The following SRRM1 variants were observed in gnomAD, a reference collection of about 807,000 sequenced individuals.
SRRM1 encodes serine/arginine repetitive matrix protein 1.
SRRM1 carries 19 observed loss-of-function variants against 110.2 expected under a neutral mutation model. That is an observed-to-expected ratio of 0.17 (90% CI 0.12 to 0.25). The LOEUF (loss-of-function observed/expected upper bound fraction) is 0.25. Ranked by LOEUF, SRRM1 falls within the 10% of genes least tolerant of loss-of-function variation. SRRM1 has a pLI of 1.00. For missense variants in SRRM1, 918 were observed against 1,145.8 expected, an observed-to-expected ratio of 0.80 and a Z score of 2.87; for synonymous variants, 443 against 414.9, an observed-to-expected ratio of 1.07 and a Z score of -0.82.
Position 24,662,769 on chromosome 1 carries a change from A to G in SRRM1, c.1593A>G (p.Pro531=). The change falls in exon 12 of 17, where the codon CCA becomes CCG. Residue 531 remains proline, a synonymous_variant. Transcript: ENST00000323848. ...ATTCCCCTTCCCGGAGTGCTTCTCC[A>G]TCACCACGAAAGCGCCAAAAAGAGA... ...RRHSPSRSAS[P]SPRKRQKETS... 1.9e-6 allele frequency: 3 copies of G among 1,614,246 alleles called. No individual in the cohort carries two copies. Among genetic ancestry groups the G allele is most frequent in the Non-Finnish European group, 1.7e-6 (2 of 1,180,044 alleles).
chr1:24,670,201 A>C lies in SRRM1; in HGVS notation c.2286A>C (p.Lys762Asn). 1 of 1,614,038 alleles carries C rather than the reference A, an allele frequency of 6.2e-7. No individual in the cohort carries two copies. The highest frequency in any genetic ancestry group is 8.5e-7 in the Non-Finnish European group (1 of 1,179,992). The change falls in exon 15 of 17, where the codon AAA (lysine) becomes AAC (asparagine). Residue 762 changes from lysine (K) to asparagine (N), a missense_variant. By Grantham distance (94) the Lys-to-Asn change is moderately conservative. Transcript: ENST00000323848. The part of the protein sequence containing the change: ...SVSGSPEPAA[K>N]KPPAPPSPVQ... ...CCGGGTCTCCTGAGCCAGCAGCTAA[A>C]AAGCCCCCAGCACCTCCATCCCCCG...
intron 5 of SRRM1, among the ~76,000 whole-genome samples, chr1:24,650,816 T>C (rs912259638): frequency 1.3e-5 from 2 of 152,230 alleles, no homozygotes; most frequent in Non-Finnish European, 1.5e-5. Flanking sequence ...ACTACTTGAC[T>C]ATTGATGAAG....
intron 5 of SRRM1, 69 bp downstream of exon 5, chr1:24,650,155 A>G (rs1557662355): frequency 7.1e-7 from 1 of 1,408,968 alleles, no homozygotes; most frequent in Non-Finnish European, 9.4e-7. Flanking sequence ...TCCTTAGTTA[A>G]AAAGGAATCT....
At chr1:24,669,650 C>A in intron 14 of SRRM1, 63 bp downstream of exon 14, 1 of 1,220,316 alleles carries the variant, frequency 8.2e-7, no homozygotes, top group South Asian at 1.6e-5. Flanking sequence ...TTGGAAGCTT[C>A]CCCCCACCCC....
chr1:24,664,438 A>G (rs914890066), intron 12 of SRRM1, among the ~76,000 whole-genome samples: 1 of 152,252 alleles, frequency 6.6e-6, no homozygotes, highest in Admixed American at 6.5e-5. Context: ...TTAGGGCCGC[A>G]AAGTGACAAA....
In SRRM1 at chr1:24,646,028, G is replaced by A. The variant is rs763065465; in HGVS notation, c.66G>A (p.Lys22=). The A allele has an allele frequency of 6.2e-7, 1 of 1,613,614 alleles. No individual in the cohort carries two copies. Among genetic ancestry groups the A allele is most frequent in the Non-Finnish European group, 8.5e-7 (1 of 1,179,938 alleles). ...EQDNRFSNKQ[K]KLLKQLKFAE... ...ATAATCGGTTCAGCAACAAACAGAA[G>A]AAACTACTGAAGCAGCTGAAATTTG... The change falls in exon 2 of 17, where the codon AAG becomes AAA. Residue 22 remains lysine, a synonymous_variant. Transcript: ENST00000323848.
chr1:24,669,389 C>T lies in SRRM1; in HGVS notation c.2006C>T (p.Ser669Phe). 6.2e-7 allele frequency: 1 copy of T among 1,614,166 alleles called. No homozygotes were observed. Among genetic ancestry groups the T allele is most frequent in the Non-Finnish European group, 8.5e-7 (1 of 1,180,034 alleles). Residue 669 changes from serine to phenylalanine, a missense_variant, in exon 14 of 17, where the codon TCT becomes TTT. Coordinates refer to ENST00000323848, the MANE Select transcript of SRRM1 (RefSeq NM_005839.4). ...AGGAAAGGGTCTTCCCCAAGCCGCT[C>T]TACCCGGGAGGCCCGATCACCACAA... ...KHRKGSSPSR[S>F]TREARSPQPN... is the part of the protein sequence containing the mutation.
rs1671416707 is a variant in SRRM1 at position 24,668,986 on chromosome 1, A to T, written c.1740-137A>T. ...TTTATTGATATTTAAGTGAGAATAT[A>T]AAGATAGCATGTTCACTTATAAATA... is the stretch of plus-strand genomic sequence containing the variant. On this transcript the variant is annotated intron_variant, in intron 13 of 16. Transcript: ENST00000323848. 5 of 671,812 alleles carry T rather than the reference A, an allele frequency of 7.4e-6. No homozygotes were observed. The East Asian group carries it at 1.4e-4, about 18-fold the overall frequency. 41.6% of individuals were successfully genotyped at this position (671,812 alleles called of 1,614,324 possible).
rs533617805 is a variant in SRRM1, at chr1:24,644,439, C to T, written c.21+1092C>T. On this transcript the variant is annotated intron_variant, in intron 1 of 16. Coordinates refer to ENST00000323848, the MANE Select transcript of SRRM1 (RefSeq NM_005839.4). ...TACACGTTAGCTCTTCTCTTTAGAG[C>T]ATGTAATTTGCAGTTTGTGTGTTTT... 1.2e-4 allele frequency among the ~76,000 whole-genome samples: 18 copies of T among 152,322 alleles called. No homozygotes were observed. In the South Asian group the frequency reaches 3.5e-3, roughly 30 times the overall value.
intron 1 of SRRM1, among the ~76,000 whole-genome samples, chr1:24,644,455 T>C (rs1227804856): frequency 6.6e-6 from 1 of 152,228 alleles, no homozygotes; most frequent in African/African-American, 2.4e-5. Context: ...ATTTGCAGTT[T>C]GTGTGTTTTC....
In SRRM1 at chr1:24,668,035, G is replaced by A. The variant is rs966118092; in HGVS notation, c.1740-1088G>A. Among the ~76,000 whole-genome samples the A allele has an allele frequency of 2.3e-4, 30 of 132,880 alleles. No individual in the cohort carries two copies. The Admixed American group carries it at 2.5e-3, about 11-fold the overall frequency. 87.2% of individuals were successfully genotyped at this position (132,880 alleles called of 152,430 possible). ...TCACCCAGGCTGGAGTGCAGTGGCC[G>A]ATCTCAGCTCACTGTAACCTCCGCC... On this transcript the variant is annotated intron_variant, in intron 13 of 16. Transcript: ENST00000323848.
In SRRM1 at chr1:24,671,368, GT is replaced by G. The variant is rs772079300; in HGVS notation, c.2401-9del. The G allele has an allele frequency of 9.1e-6, 14 of 1,545,320 alleles. No individual in the cohort carries two copies. Among genetic ancestry groups the G allele is most frequent in the Middle Eastern group, 1.7e-4 (1 of 5,772 alleles). On this transcript the variant is annotated splice_polypyrimidine_tract_variant and intron_variant, in intron 15 of 16. Coordinates refer to ENST00000323848, the MANE Select transcript of SRRM1 (RefSeq NM_005839.4). ...AGATTGATTATAAATGCTGGGTGTTGTTTTTTTTTCTTCCTAGAATTCAGAT... is the reference window on the plus strand; with the variant it reads ...AGATTGATTATAAATGCTGGGTGTTGTTTTTTTTCTTCCTAGAATTCAGAT...
At chr1:24,644,422 A>C (rs1481158229) in intron 1 of SRRM1, among the ~76,000 whole-genome samples, 1 of 152,330 alleles carries the variant, frequency 6.6e-6, no homozygotes, top group South Asian at 2.1e-4. Context: ...AATACACGTT[A>C]GCTCTTCTCT....
Position 24,653,117 on chromosome 1 carries a change from C to A in SRRM1, c.1040+85C>A, listed in dbSNP as rs151198240. The A allele has an allele frequency of 3.4e-4, 463 of 1,347,164 alleles. No homozygotes were observed. The African/African-American group carries it at 6.3e-3, about 18-fold the overall frequency. The allele number at this position is 1,347,164 out of a possible 1,614,324, so 83.5% of individuals were successfully genotyped here. Reference sequence around the variant, plus strand: ...TAGGATAATCTGTAAATTAGTGTCCCCTGGAAGAAAGAACTGATAGGTGAT... The same window carrying A: ...TAGGATAATCTGTAAATTAGTGTCCACTGGAAGAAAGAACTGATAGGTGAT... On this transcript the variant is annotated intron_variant, in intron 8 of 16. Coordinates refer to ENST00000323848, the MANE Select transcript of SRRM1 (RefSeq NM_005839.4).
intron 9 of SRRM1, among the ~76,000 whole-genome samples, chr1:24,658,860 C>T (rs953358739): frequency 6.6e-6 from 1 of 152,158 alleles, no homozygotes; most frequent in African/African-American, 2.4e-5. Context: ...ATTCTTTACC[C>T]AATCCAGTGA....
chr1:24,670,350 A>G (rs778478084), intron 15 of SRRM1, 35 bp downstream of exon 15: 1 of 1,560,028 alleles, frequency 6.4e-7, no homozygotes. Context: ...ACCCTTTTAT[A>G]AATATGTATA....
At chr1:24,652,362 A>T (rs1182491362) in intron 6 of SRRM1, 72 bp from the exon 7 acceptor site, 6 of 1,095,014 alleles carry the variant, frequency 5.5e-6, no homozygotes, top group Non-Finnish European at 7.7e-6. Context: ...ACTTTATTAC[A>T]TCATTGTGTA....
In SRRM1 at chr1:24,646,642, CTTAA is replaced by C. The variant is rs530149280; in HGVS notation, c.112-22_112-19del. The C allele has an allele frequency of 5.7e-5, 88 of 1,546,808 alleles. No individual in the cohort carries two copies. The African/African-American group carries it at 1.1e-3, about 19-fold the overall frequency. On this transcript the variant is annotated intron_variant, in intron 2 of 16. Coordinates refer to ENST00000323848, the MANE Select transcript of SRRM1 (RefSeq NM_005839.4). The stretch of plus-strand genomic sequence containing the variant: ...TTTTTTTTAGGATTGTGAAGTTGTA[CTTAA>C]TTGTTTCTATGTTTCATCAGGTGGA...
At chr1:24,670,588 C>T (rs539430398) in intron 15 of SRRM1, among the ~76,000 whole-genome samples, 7 of 152,224 alleles carry the variant, frequency 4.6e-5, no homozygotes, top group East Asian at 1.9e-4. Flanking sequence ...CCTTCCTGGA[C>T]GCAGGTGATC....
Sources: gnomAD v4.1 joint callset for allele counts (sites outside exome capture counted in the v4.1 genomes callset) on GRCh38, gnomAD v4.1.1 for gene constraint, MANE v1.5 for transcripts, NCBI Gene and HGNC (gene_info 2026-07-23, HGNC 2026-07-21) for gene names.